Variants in GPAT3 observed in about 807,000 individuals in gnomAD.
The protein encoded by GPAT3 is 1-AGP acyltransferase 9.
A neutral mutation model predicts 58.8 loss-of-function variants in GPAT3; 53 were observed. The ratio of observed to expected loss-of-function variants is 0.90; its 90% CI spans 0.72 to 1.13. GPAT3 has a LOEUF of 1.13. GPAT3 is among the 50% of genes most tolerant of loss of function. GPAT3 has a pLI of 0.00. For missense variants in GPAT3, 511 were observed against 527.6 expected (o/e 0.97, Z 0.31); for synonymous variants, 197 against 187.4 (o/e 1.05, Z -0.42).
At position 83,543,038 on chromosome 4, in the gene GPAT3, C is replaced by T. The variant is rs186440916; in HGVS notation, c.142-1498C>T. On this transcript the variant is annotated intron_variant, in intron 1 of 11. Transcript: ENST00000264409. ...AAATAAAATATAAAATGTTAGCTCACGCCTGTAATCCCAGCACTTTGGGAG... is the reference window on the plus strand; with the variant it reads ...AAATAAAATATAAAATGTTAGCTCATGCCTGTAATCCCAGCACTTTGGGAG... Among the ~76,000 whole-genome samples, 44 of 152,104 alleles carry T rather than the reference C, an allele frequency of 2.9e-4. No individual in the cohort carries two copies. The South Asian group carries it at 5.6e-3, about 19-fold the overall frequency.
chr4:83,598,477 C>A, intron 10 of GPAT3, 167 bp from the exon 11 acceptor site: 1 of 763,602 alleles, frequency 1.3e-6, no homozygotes, highest in Non-Finnish European at 2.2e-6. Context: ...TACAACACTG[C>A]ATTTTCTTTA....
At chr4:83,573,871 C>T (rs1400274348) in intron 2 of GPAT3, among the ~76,000 whole-genome samples, 1 of 152,214 alleles carries the variant, frequency 6.6e-6, no homozygotes, top group African/African-American at 2.4e-5. Flanking sequence ...TACCTCTCAT[C>T]TAGGTCAATA....
At chr4:83,561,939 A>C (rs146940472) in intron 2 of GPAT3, among the ~76,000 whole-genome samples, 2 of 151,270 alleles carry the variant, frequency 1.3e-5, no homozygotes, top group African/African-American at 4.9e-5. Flanking sequence ...CGTAAGTTTG[A>C]TATAATTGGT....
At position 83,536,397 on chromosome 4, in the gene GPAT3, C is replaced by T; in HGVS notation, c.-226C>T. 1.5e-6 allele frequency: 2 copies of T among 1,332,010 alleles called. No homozygotes were observed. Among genetic ancestry groups the T allele is most frequent in the Non-Finnish European group, 1.9e-6 (2 of 1,040,556 alleles). The allele number at this position is 1,332,010 out of a possible 1,614,324, so 82.5% of individuals were successfully genotyped here. On this transcript the variant is annotated 5_prime_UTR_variant, in exon 1 of 12. Coordinates refer to ENST00000264409, the MANE Select transcript of GPAT3 (RefSeq NM_032717.5). ...GTGGCTTCAGCCCAGACCTGGGCAG[C>T]CAGCGGAGAAAGAGTTAACTGGCAG...
rs144861432 is a variant in GPAT3, at chr4:83,604,220, C to T, written c.1206-448C>T. On this transcript the variant is annotated intron_variant, in intron 11 of 11. Transcript: ENST00000264409. ...CCAAGTAGCTGGGATTATAGGCATA[C>T]ACCACCATGCCCAGCTAATTTTGTA... Among the ~76,000 whole-genome samples, 395 of 152,230 alleles carry T rather than the reference C, an allele frequency of 2.6e-3. 3 individuals carry two copies. The highest frequency in any genetic ancestry group is 9.1e-3 in the African/African-American group (378 of 41,546).
intron 2 of GPAT3, among the ~76,000 whole-genome samples, chr4:83,561,806 T>TAA (rs749084360): frequency 3.0e-5 from 4 of 133,214 alleles, no homozygotes; most frequent in Non-Finnish European, 3.2e-5. Context: ...CCTTTTTTGG[T>TAA]AAAAAAAAAA....
Position 83,562,192 on chromosome 4 carries a change from TATATATA to T in GPAT3, c.208+17598_208+17604del, listed in dbSNP as rs1249125911. Among the ~76,000 whole-genome samples the T allele has an allele frequency of 6.4e-4, 27 of 42,300 alleles. 2 individuals carry two copies. Among genetic ancestry groups the T allele is most frequent in the African/African-American group, 3.2e-3 (24 of 7,588 alleles). The allele number at this position is 42,300 out of a possible 152,430, so 27.8% of individuals were successfully genotyped here. ...TTATTTTATATATTATATATATATA[TATATATA>T]ATATATATATATTATATATATATAT... On this transcript the variant is annotated intron_variant, in intron 2 of 11. Transcript: ENST00000264409.
chr4:83,578,964 C>CTTTCTT (rs1725939920), intron 2 of GPAT3, among the ~76,000 whole-genome samples: 1 of 90,328 alleles, frequency 1.1e-5, no homozygotes, highest in East Asian at 3.2e-4. Context: ...TTCTTTCTTT[C>CTTTCTT]TTTCTTTCTT....
In GPAT3 at chr4:83,596,911, A is replaced by C. The variant is rs1415980167; in HGVS notation, c.908A>C (p.Glu303Ala). ...KKKLPILIFP[E>A]GTCINNTSVM... ...AAACTACCCATACTAATTTTTCCTG[A>C]AGGTAAGAATGGGCCTGCCTCCCGA... The change falls in exon 8 of 12, where the codon GAA becomes GCA. Residue 303 changes from glutamate (E) to alanine (A), a missense_variant and splice_region_variant. Transcript: ENST00000264409. 5.6e-6 allele frequency: 9 copies of C among 1,602,106 alleles called. No homozygotes were observed. The highest frequency in any genetic ancestry group is 6.8e-6 in the Non-Finnish European group (8 of 1,176,476).
intron 1 of GPAT3, among the ~76,000 whole-genome samples, chr4:83,541,966 C>T (rs1431632305): frequency 6.6e-6 from 1 of 152,138 alleles, no homozygotes; most frequent in East Asian, 1.9e-4. Context: ...TGGATTAGGG[C>T]CCACCCTAAG....
At chr4:83,543,247 C>T (rs987147586) in intron 1 of GPAT3, among the ~76,000 whole-genome samples, 4 of 151,746 alleles carry the variant, frequency 2.6e-5, no homozygotes, top group Non-Finnish European at 4.4e-5. Context: ...CAGCAGCAAG[C>T]CCCTGTCTCA....
chr4:83,580,720 A>G (rs567552186), intron 2 of GPAT3, among the ~76,000 whole-genome samples: 2 of 152,336 alleles, frequency 1.3e-5, no homozygotes, highest in Non-Finnish European at 2.9e-5. Context: ...TATGATATTA[A>G]CTATTAATAT....
At chr4:83,583,545 G>T (rs1302821832) in intron 3 of GPAT3, among the ~76,000 whole-genome samples, 1 of 151,354 alleles carries the variant, frequency 6.6e-6, no homozygotes, top group African/African-American at 2.4e-5. Context: ...ATACGCACTT[G>T]TAGTCCCAGC....
intron 2 of GPAT3, among the ~76,000 whole-genome samples, chr4:83,578,890 C>A: frequency 7.1e-6 from 1 of 140,826 alleles, no homozygotes; most frequent in Non-Finnish European, 1.5e-5. Flanking sequence ...CCCTTCCCTC[C>A]CTCCCTCTTT....
intron 2 of GPAT3, among the ~76,000 whole-genome samples, 183 bp from the exon 3 acceptor site, chr4:83,581,379 C>T (rs993216313): frequency 5.9e-5 from 9 of 152,106 alleles, no homozygotes; most frequent in African/African-American, 1.9e-4. Context: ...TTCATGCAGA[C>T]ACAGTGATTT....
chr4:83,579,013 T>C (rs1444678458), intron 2 of GPAT3, among the ~76,000 whole-genome samples: 3,585 of 99,072 alleles, frequency 0.036, 568 homozygotes, highest in African/African-American at 0.054. Context: ...TCCTTCCTTC[T>C]TTCCCTTTCT....
intron 3 of GPAT3, among the ~76,000 whole-genome samples, chr4:83,583,467 C>T (rs994861459): frequency 5.3e-5 from 8 of 150,636 alleles, no homozygotes; most frequent in Non-Finnish European, 1.2e-4. Context: ...GCCAGGAGTT[C>T]GACTGGCCTG....
chr4:83,540,340 C>T (rs1430952878), intron 1 of GPAT3, among the ~76,000 whole-genome samples: 1 of 152,126 alleles, frequency 6.6e-6, no homozygotes, highest in Non-Finnish European at 1.5e-5. Context: ...CACTTTTGTA[C>T]TTTAGGACCA....
At chr4:83,537,335 A>G (rs1724136124) in intron 1 of GPAT3, among the ~76,000 whole-genome samples, 1 of 152,118 alleles carries the variant, frequency 6.6e-6, no homozygotes, top group South Asian at 2.1e-4. Context: ...ATATTCTTTG[A>G]CCTCAGGTCT....
Sources: gnomAD v4.1 joint callset for allele counts (sites outside exome capture counted in the v4.1 genomes callset) on GRCh38, gnomAD v4.1.1 for gene constraint, MANE v1.5 for transcripts, NCBI Gene and HGNC (gene_info 2026-07-23, HGNC 2026-07-21) for gene names.